Variants in BCO1 observed in about 807,000 individuals in gnomAD.
BCO1 encodes the protein beta,beta-carotene 15,15'-dioxygenase.
Under a neutral mutation model 56.3 loss-of-function variants are expected in BCO1, and 54 were observed. The ratio of observed to expected loss-of-function variants is 0.96; its 90% CI spans 0.77 to 1.20. BCO1 has a LOEUF of 1.20. Ranked by LOEUF, BCO1 falls within the 50% of genes most tolerant of loss-of-function variation. The pLI, the probability that BCO1 is intolerant of heterozygous loss-of-function variation, is 0.00. For missense variants in BCO1, 801 were observed against 690.9 expected (o/e 1.16, Z -1.79); for synonymous variants, 318 against 266.1 (o/e 1.20, Z -1.90).
At chr16:81,246,671 C>G (rs7186231) in intron 2 of BCO1, among the ~76,000 whole-genome samples, 1 of 151,504 alleles carries the variant, frequency 6.6e-6, no homozygotes, top group Non-Finnish European at 1.5e-5. Context: ...GCCAACATAG[C>G]GAAACCCCAT....
At chr16:81,289,185 C>T (rs1908335425) in intron 10 of BCO1, among the ~76,000 whole-genome samples, 1 of 152,166 alleles carries the variant, frequency 6.6e-6, no homozygotes, top group South Asian at 2.1e-4. Flanking sequence ...CACCTGGGAC[C>T]CTCTGGAGGC....
At chr16:81,263,350 T>A (rs1009384901) in intron 4 of BCO1, 1 of 152,176 alleles carries the variant, frequency 6.6e-6, no homozygotes, top group Non-Finnish European at 1.5e-5. Context: ...GACCTCATGA[T>A]TGGCCCTCAT....
At chr16:81,252,287 A>C (rs1183640858) in intron 2 of BCO1, among the ~76,000 whole-genome samples, 5 of 148,392 alleles carry the variant, frequency 3.4e-5, no homozygotes, top group African/African-American at 1.0e-4. Context: ...TGAGATGGAG[A>C]CTTGCTCTGT....
At chr16:81,266,200 C>G (rs773912429) in intron 5 of BCO1, among the ~76,000 whole-genome samples, 40 of 152,218 alleles carry the variant, frequency 2.6e-4, no homozygotes, top group Non-Finnish European at 5.1e-4. Context: ...CCCTGTTCTC[C>G]AGGCCTTCTG....
intron 4 of BCO1, chr16:81,263,741 G>A (rs1180288248): frequency 6.6e-6 from 1 of 152,200 alleles, no homozygotes; most frequent in African/African-American, 2.4e-5. Flanking sequence ...TTCCTGGGAA[G>A]AATCAAGTCA....
chr16:81,277,065 C>CAA lies in BCO1; in HGVS notation c.1102-3774_1102-3773dup, dbSNP rs34671497. ...TGGATGACAGAGTGAGACTCGGTCT[C>CAA]AAAAAAAAAAAAAAAAAAAGTAAAA... On this transcript the variant is annotated intron_variant, in intron 7 of 10. Transcript: ENST00000258168. Among the ~76,000 whole-genome samples the CAA allele has an allele frequency of 2.7e-3, 254 of 94,968 alleles. 18 individuals carry two copies. Among genetic ancestry groups the CAA allele is most frequent in the South Asian group, 0.015 (43 of 2,950 alleles). The allele number at this position is 94,968 out of a possible 152,430, so 62.3% of individuals were successfully genotyped here.
In BCO1 at chr16:81,290,602, G is replaced by A; in HGVS notation, c.*25G>A. On this transcript the variant is annotated 3_prime_UTR_variant, in exon 11 of 11. Transcript: ENST00000258168. ...ATGGTGTTGGGGTTTGGGTAGGGGA[G>A]GGGAGCTCGGCTGTCAGAACTCCAT... is the stretch of plus-strand genomic sequence containing the variant. The A allele has an allele frequency of 6.3e-7, 1 of 1,575,884 alleles. No homozygotes were observed. Among genetic ancestry groups the A allele is most frequent in the Non-Finnish European group, 8.7e-7 (1 of 1,150,550 alleles).
At chr16:81,284,203 CAACA>C (rs1014090651) in intron 8 of BCO1, among the ~76,000 whole-genome samples, 9 of 149,106 alleles carry the variant, frequency 6.0e-5, no homozygotes, top group Admixed American at 1.4e-4. Flanking sequence ...AAAACAACAA[CAACA>C]AACAAACTAT....
intron 8 of BCO1, 147 bp from the exon 9 acceptor site, chr16:81,285,393 C>A: frequency 1.4e-6 from 1 of 693,440 alleles, no homozygotes. Flanking sequence ...CTTTGACCAC[C>A]TTTGATCCAA....
At chr16:81,256,938 A>T (rs1346143436) in intron 2 of BCO1, among the ~76,000 whole-genome samples, 3 of 151,302 alleles carry the variant, frequency 2.0e-5, no homozygotes, top group African/African-American at 7.3e-5. Context: ...AGGACCCCTC[A>T]ACCCATTTCC....
At chr16:81,258,947 G>C (rs1022558939) in intron 2 of BCO1, among the ~76,000 whole-genome samples, 1 of 152,090 alleles carries the variant, frequency 6.6e-6, no homozygotes, top group Admixed American at 6.6e-5. Flanking sequence ...AAGAGAGAGA[G>C]AGAGAGGAGG....
In BCO1 at chr16:81,290,464, A is replaced by G. The variant is rs776129002; in HGVS notation, c.1531A>G (p.Met511Val). The change falls in exon 11 of 11, where the codon ATG becomes GTG. Residue 511 changes from methionine to valine, a missense_variant. Coordinates refer to ENST00000258168, the MANE Select transcript of BCO1 (RefSeq NM_017429.3). ...TGCCTCTGTTGATGTCGATATGCAC[A>G]TGGATCTCCATGGATTATTCATTAC... ...ARASVDVDMH[M>V]DLHGLFITDM... The G allele has an allele frequency of 3.7e-6, 6 of 1,614,088 alleles. No individual in the cohort carries two copies. The highest frequency in any genetic ancestry group is 4.5e-5 in the East Asian group (2 of 44,894).
rs140978768 is a variant in BCO1 at position 81,245,700 on chromosome 16, G to T, written c.193+97G>T. 9,168 of 1,503,354 alleles carry T rather than the reference G, an allele frequency of 6.1e-3. 71 individuals are homozygous for T. Among genetic ancestry groups the T allele is most frequent in the Non-Finnish European group, 6.0e-3 (6,571 of 1,097,482 alleles). 93.1% of individuals were successfully genotyped at this position (1,503,354 alleles called of 1,614,324 possible). A position where few individuals can be genotyped will look rare whatever the true frequency, so the allele number is the denominator to read the frequency against. On this transcript the variant is annotated intron_variant, in intron 2 of 10. Transcript: ENST00000258168. ...AAATTTATTCTTTTAGGGATTGGAGGTCAGAAGTCTAAATCGGGTCTCACT... is the reference window on the plus strand; with the variant it reads ...AAATTTATTCTTTTAGGGATTGGAGTTCAGAAGTCTAAATCGGGTCTCACT...
intron 6 of BCO1, among the ~76,000 whole-genome samples, chr16:81,269,934 C>T (rs1350109454): frequency 6.6e-6 from 1 of 152,208 alleles, no homozygotes; most frequent in Non-Finnish European, 1.5e-5. Flanking sequence ...AGCAAAGCAT[C>T]CCTCCTCTCC....
At chr16:81,268,238 G>C in intron 6 of BCO1, 107 bp downstream of exon 6, 1 of 1,063,688 alleles carries the variant, frequency 9.4e-7, no homozygotes, top group Non-Finnish European at 1.4e-6. Flanking sequence ...GGAAGAGGGA[G>C]GAGGCTACCA....
At position 81,285,613 on chromosome 16, in the gene BCO1, G is replaced by T. The variant is rs749790044; in HGVS notation, c.1281G>T (p.Gln427His). ...QYRYVFATGV[Q>H]WSPIPTKIIK... ...GATATGTCTTTGCTACAGGAGTTCA[G>T]TGGAGTCCAATCCCAACCAAGGTAC... Residue 427 changes from glutamine to histidine, a missense_variant, in exon 9 of 11, where the codon CAG (glutamine) becomes CAT (histidine). Transcript: ENST00000258168. 1 of 1,611,512 alleles carries T rather than the reference G, an allele frequency of 6.2e-7. No homozygotes were observed. Among genetic ancestry groups the T allele is most frequent in the Non-Finnish European group, 8.5e-7 (1 of 1,177,598 alleles).
chr16:81,290,395 T>G lies in BCO1; in HGVS notation c.1462T>G (p.Phe488Val). ...CTCTACTGATCCCCAAAAGCTGCCT[T>G]TTCTGCTCATTCTGGATGCCAAAAG... is the stretch of plus-strand genomic sequence containing the variant. ...IVSTDPQKLPFLLILDAKSFT... is the reference protein window; with the variant it reads ...IVSTDPQKLPVLLILDAKSFT... Residue 488 changes from phenylalanine (F) to valine (V), a missense_variant, in exon 11 of 11, where the codon TTT (phenylalanine) becomes GTT (valine). By Grantham distance (50) the Phe-to-Val change is conservative (BLOSUM62 -1). Coordinates refer to ENST00000258168, the MANE Select transcript of BCO1 (RefSeq NM_017429.3). The G allele has an allele frequency of 6.2e-7, 1 of 1,614,234 alleles. No individual in the cohort carries two copies. The highest frequency in any genetic ancestry group is 8.5e-7 in the Non-Finnish European group (1 of 1,180,042).
chr16:81,245,940 G>T (rs565935266), intron 2 of BCO1, among the ~76,000 whole-genome samples: 2 of 143,650 alleles, frequency 1.4e-5, no homozygotes, highest in African/African-American at 5.2e-5. Flanking sequence ...TTGACTCACG[G>T]CAACCTGCAT....
chr16:81,240,178 ATTAAT>A (rs1051032297), intron 1 of BCO1, among the ~76,000 whole-genome samples: 8 of 152,158 alleles, frequency 5.3e-5, no homozygotes, highest in Admixed American at 2.6e-4. Context: ...TTATATATAA[ATTAAT>A]TAGGAGTGCA....
Sources: allele counts gnomAD v4.1 joint callset (sites outside exome capture counted in the v4.1 genomes callset), GRCh38; gene constraint gnomAD v4.1.1; transcripts MANE v1.5; gene names NCBI Gene and HGNC (gene_info 2026-07-23, HGNC 2026-07-21).